The following NRXN3 variants were observed in gnomAD, a reference collection of about 807,000 sequenced individuals.
NRXN3 encodes neurexin 3.
Under a neutral mutation model 137.6 loss-of-function variants are expected in NRXN3, and 32 were observed. That is an observed-to-expected ratio of 0.23 (90% CI 0.18 to 0.31). The LOEUF is 0.31. Among genes scored for constraint, NRXN3 ranks in the 10% least tolerant of loss-of-function variants. The probability of loss-of-function intolerance (pLI) is 1.00; values close to 1 mark genes in which losing one functional copy is unlikely to be tolerated. For missense variants in NRXN3, 1,574 were observed against 2,062.5 expected (o/e 0.76, Z 4.59); for synonymous variants, 798 against 784.5 (o/e 1.02, Z -0.29).
intron 15 of NRXN3, among the ~76,000 whole-genome samples, chr14:79,433,728 A>T (rs558873328): frequency 6.6e-6 from 1 of 152,232 alleles, no homozygotes; most frequent in East Asian, 1.9e-4. Context: ...TTCATAGATG[A>T]TAACACTGGT....
At chr14:78,832,983 C>T (rs1189339295) in intron 10 of NRXN3, among the ~76,000 whole-genome samples, 1 of 152,166 alleles carries the variant, frequency 6.6e-6, no homozygotes, top group East Asian at 1.9e-4. Flanking sequence ...CATAAAACAT[C>T]TTTCCGGGGA....
chr14:78,452,901 GA>G (rs1316737943), intron 4 of NRXN3, among the ~76,000 whole-genome samples: 2 of 151,924 alleles, frequency 1.3e-5, no homozygotes, highest in Non-Finnish European at 2.9e-5. Context: ...GTTTTCATTA[GA>G]AAAAAAATAA....
rs747277637 is a variant in NRXN3, at chr14:79,697,692, C to T, written c.3769C>T (p.Arg1257Cys). 4.3e-6 allele frequency: 7 copies of T among 1,613,000 alleles called. No individual in the cohort carries two copies. The highest frequency in any genetic ancestry group is 5.1e-6 in the Non-Finnish European group (6 of 1,179,338). ...AGCCATTGGTGGAAAGGACAAAGGA[C>T]GCCTCTTCCAAGGCCAACTCTCTGG... ...QIAIGGKDKG[R>C]LFQGQLSGLY... The change falls in exon 19 of 21, where the codon CGC (arginine) becomes TGC (cysteine). Residue 1257 changes from arginine to cysteine, a missense_variant. By Grantham distance (180) the Arg-to-Cys change is radical. Transcript: ENST00000335750.
intron 14 of NRXN3, among the ~76,000 whole-genome samples, chr14:78,970,620 A>G (rs1184088130): frequency 1.3e-5 from 2 of 152,226 alleles, no homozygotes; most frequent in African/African-American, 2.4e-5. Context: ...ACTAAAATGT[A>G]TAATATAAAG....
chr14:78,401,182 T>G (rs113979745), intron 4 of NRXN3, among the ~76,000 whole-genome samples: 43 of 152,064 alleles, frequency 2.8e-4, no homozygotes, highest in Admixed American at 1.1e-3. Context: ...TTATTTTTTT[T>G]GGGATGGCGT....
intron 4 of NRXN3, among the ~76,000 whole-genome samples, chr14:78,467,362 A>G (rs1176117748): frequency 2.0e-5 from 3 of 152,250 alleles, no homozygotes; most frequent in Non-Finnish European, 4.4e-5. Context: ...GTATAAAACC[A>G]AAACGAGTTT....
chr14:78,430,024 A>G (rs1402641774), intron 4 of NRXN3, among the ~76,000 whole-genome samples: 1 of 152,180 alleles, frequency 6.6e-6, no homozygotes, highest in African/African-American at 2.4e-5. Context: ...GCTTGAGGCC[A>G]GATGTTTGAG....
intron 4 of NRXN3, among the ~76,000 whole-genome samples, chr14:78,383,223 A>C (rs1195367390): frequency 6.6e-6 from 1 of 152,122 alleles, no homozygotes; most frequent in East Asian, 1.9e-4. Context: ...CACTTTTGGC[A>C]TGGTGTCTTT....
chr14:79,267,829 C>T (rs146013592), intron 15 of NRXN3, among the ~76,000 whole-genome samples: 235 of 152,204 alleles, frequency 1.5e-3, no homozygotes, highest in African/African-American at 5.3e-3. Context: ...TTGTAATTGA[C>T]GTAGACTGGT....
intron 1 of NRXN3, among the ~76,000 whole-genome samples, chr14:78,188,985 A>G (rs1404362447): frequency 6.6e-6 from 1 of 152,050 alleles, no homozygotes; most frequent in Admixed American, 6.6e-5. Flanking sequence ...TCTTGCTTTA[A>G]CATCTTTTGA....
At chr14:78,540,138 CT>C (rs2096574729) in intron 4 of NRXN3, among the ~76,000 whole-genome samples, 1 of 152,140 alleles carries the variant, frequency 6.6e-6, no homozygotes, top group African/African-American at 2.4e-5. Flanking sequence ...TGTTGCAGAG[CT>C]GAGTTCAAGT....
chr14:79,804,291 C>T (rs1452395820), intron 19 of NRXN3, among the ~76,000 whole-genome samples: 1 of 151,954 alleles, frequency 6.6e-6, no homozygotes, highest in Non-Finnish European at 1.5e-5. Flanking sequence ...GCAATATGTA[C>T]CAAATACAGA....
chr14:79,511,620 T>C (rs868821720), intron 16 of NRXN3, among the ~76,000 whole-genome samples: 15 of 152,294 alleles, frequency 9.8e-5, no homozygotes, highest in South Asian at 4.1e-4. Context: ...AGTCTGACCA[T>C]TGAGCGCTCT....
chr14:79,543,861 G>A lies in NRXN3; in HGVS notation c.3444+76459G>A, dbSNP rs150551176. ...GTCAGCTTTTCAAGAGAAGCCAACA[G>A]TCTGGTGTGTATGTTAAATCCCCTG... On this transcript the variant is annotated intron_variant, in intron 16 of 20. Coordinates refer to ENST00000335750, the MANE Select transcript of NRXN3 (RefSeq NM_001330195.2). Among the ~76,000 whole-genome samples the A allele has an allele frequency of 4.2e-3, 645 of 152,290 alleles. 3 individuals are homozygous for A. Among genetic ancestry groups the A allele is most frequent in the Non-Finnish European group, 6.6e-3 (446 of 68,020 alleles).
intron 19 of NRXN3, among the ~76,000 whole-genome samples, chr14:79,722,975 G>A (rs923385880): frequency 1.3e-5 from 2 of 152,014 alleles, no homozygotes; most frequent in Admixed American, 6.6e-5. Flanking sequence ...TCGTTGTCCC[G>A]AATAAGCATA....
intron 8 of NRXN3, among the ~76,000 whole-genome samples, chr14:78,738,717 G>T (rs1237274354): frequency 2.6e-5 from 4 of 152,044 alleles, no homozygotes; most frequent in Non-Finnish European, 5.9e-5. Flanking sequence ...CTTCTTCTTT[G>T]TCTTTTGTTT....
intron 16 of NRXN3, among the ~76,000 whole-genome samples, chr14:79,610,080 C>T (rs187789993): frequency 1.3e-5 from 2 of 151,826 alleles, no homozygotes; most frequent in East Asian, 3.9e-4. Context: ...ACATGTATCC[C>T]AGAACTTAAA....
chr14:78,197,763 AT>A (rs1423241998), intron 1 of NRXN3, among the ~76,000 whole-genome samples: 1 of 152,128 alleles, frequency 6.6e-6, no homozygotes, highest in Non-Finnish European at 1.5e-5. Context: ...TACTGGGGTC[AT>A]TTTCTTCCAG....
chr14:78,974,391 C>T (rs1012340032), intron 14 of NRXN3, among the ~76,000 whole-genome samples: 6 of 152,190 alleles, frequency 3.9e-5, no homozygotes, highest in Non-Finnish European at 7.3e-5. Flanking sequence ...CAGAGCTTAG[C>T]ATATTCTCTC....
Sources: gnomAD v4.1 joint callset for allele counts (sites outside exome capture counted in the v4.1 genomes callset) on GRCh38, gnomAD v4.1.1 for gene constraint, MANE v1.5 for transcripts, NCBI Gene and HGNC (gene_info 2026-07-23, HGNC 2026-07-21) for gene names.